CYB5R4: variants seen among roughly 807,000 people sequenced by gnomAD.
The protein encoded by CYB5R4 is N-terminal cytochrome b5 and cytochrome b5 oxidoreductase domain-containing protein.
CYB5R4 carries 55 observed loss-of-function variants against 70.2 expected under a neutral mutation model. The ratio of observed to expected loss-of-function variants is 0.78; its 90% CI spans 0.63 to 0.98. The LOEUF (loss-of-function observed/expected upper bound fraction) is 0.98. Ranked by LOEUF, CYB5R4 falls within the 50% of genes least tolerant of loss-of-function variation. The pLI, the probability that CYB5R4 is intolerant of heterozygous loss-of-function variation, is 0.00. For missense variants in CYB5R4, 562 were observed against 612.6 expected (o/e 0.92, Z 0.87); for synonymous variants, 197 against 199.5 (o/e 0.99, Z 0.11).
At chr6:83,879,176 A>G (rs745367276) in intron 2 of CYB5R4, among the ~76,000 whole-genome samples, 18 of 151,778 alleles carry the variant, frequency 1.2e-4, no homozygotes, top group Non-Finnish European at 2.6e-4. Flanking sequence ...ATCGTACTCA[A>G]TGCAGCATCT....
intron 10 of CYB5R4, among the ~76,000 whole-genome samples, chr6:83,928,173 G>A (rs1482332361): frequency 1.3e-5 from 2 of 152,084 alleles, no homozygotes; most frequent in East Asian, 1.9e-4. Context: ...TCACAATTAC[G>A]AAAATATATT....
Position 83,960,170 on chromosome 6 carries a change from T to C in CYB5R4, c.*292T>C, listed in dbSNP as rs570240013. Reference sequence around the variant, plus strand: ...CTTGCCATTTAAATTATATCACTGTTCTACAATAAGCACTTGTGTTTTATG... The same window carrying C: ...CTTGCCATTTAAATTATATCACTGTCCTACAATAAGCACTTGTGTTTTATG... On this transcript the variant is annotated 3_prime_UTR_variant, in exon 16 of 16. Transcript: ENST00000369681. The C allele has an allele frequency of 6.5e-5, 16 of 245,780 alleles. No homozygotes were observed. Among genetic ancestry groups the C allele is most frequent in the African/African-American group, 3.4e-4 (15 of 43,828 alleles). The allele number at this position is 245,780 out of a possible 1,614,324, so 15.2% of individuals were successfully genotyped here.
intron 3 of CYB5R4, among the ~76,000 whole-genome samples, chr6:83,908,133 C>T (rs1020365702): frequency 2.0e-5 from 3 of 152,170 alleles, no homozygotes; most frequent in African/African-American, 7.2e-5. Context: ...GCAACCTCGC[C>T]AACATCTGTT....
intron 2 of CYB5R4, among the ~76,000 whole-genome samples, chr6:83,883,376 G>T (rs1211502723): frequency 1.3e-5 from 2 of 152,080 alleles, no homozygotes; most frequent in East Asian, 3.9e-4. Flanking sequence ...AAATTCAGAG[G>T]CTTAGCAAAT....
At position 83,908,990 on chromosome 6, in the gene CYB5R4, C is replaced by T; in HGVS notation, c.331-19C>T. 6.2e-7 allele frequency: 1 copy of T among 1,607,798 alleles called. No homozygotes were observed. The highest frequency in any genetic ancestry group is 1.3e-5 in the African/African-American group (1 of 74,902). On this transcript the variant is annotated intron_variant, in intron 3 of 15. Transcript: ENST00000369681. ...GGAGTTAGTCATGTTGCTTTTCCATCATTTGTTTTACATACCAGGTTCATC... is the reference window on the plus strand; with the variant it reads ...GGAGTTAGTCATGTTGCTTTTCCATTATTTGTTTTACATACCAGGTTCATC...
At chr6:83,869,465 G>A (rs996573134) in intron 2 of CYB5R4, among the ~76,000 whole-genome samples, 1 of 152,102 alleles carries the variant, frequency 6.6e-6, no homozygotes, top group Non-Finnish European at 1.5e-5. Context: ...GTTGCCCAGC[G>A]TGCACATTCC....
At chr6:83,928,200 A>G (rs973343367) in intron 10 of CYB5R4, among the ~76,000 whole-genome samples, 2 of 152,224 alleles carry the variant, frequency 1.3e-5, no homozygotes, top group Non-Finnish European at 2.9e-5. Context: ...TAATTTTCAG[A>G]AAAGTATGAG....
At chr6:83,946,265 C>G (rs576555564) in intron 14 of CYB5R4, among the ~76,000 whole-genome samples, 1 of 152,166 alleles carries the variant, frequency 6.6e-6, no homozygotes. Context: ...AAGGCTGATT[C>G]AACATACACA....
chr6:83,901,276 A>G (rs568648545), intron 3 of CYB5R4, among the ~76,000 whole-genome samples: 1 of 152,340 alleles, frequency 6.6e-6, no homozygotes, highest in Non-Finnish European at 1.5e-5. Flanking sequence ...TTCTTGAAGA[A>G]TGTTGAATAT....
chr6:83,923,636 T>G (rs1291134953), intron 9 of CYB5R4, among the ~76,000 whole-genome samples: 2 of 152,162 alleles, frequency 1.3e-5, no homozygotes, highest in Non-Finnish European at 2.9e-5. Context: ...AACATTTTAA[T>G]TATTCAATAA....
intron 4 of CYB5R4, among the ~76,000 whole-genome samples, chr6:83,914,097 A>G (rs1039426488): frequency 2.6e-5 from 4 of 152,214 alleles, no homozygotes; most frequent in Admixed American, 6.5e-5. Flanking sequence ...ATATGATAAC[A>G]CGGATGAAAC....
chr6:83,936,329 T>G lies in CYB5R4; in HGVS notation c.1061T>G (p.Ile354Ser), dbSNP rs1562843448. The G allele has an allele frequency of 6.2e-7, 1 of 1,612,672 alleles. No homozygotes were observed. ...NNKYIYFLIKIYPTGLFTPEL... is the reference protein window; with the variant it reads ...NNKYIYFLIKSYPTGLFTPEL... ...AAATACATCTACTTTTTGATAAAAA[T>G]CTATCCCACTGGACTCTTCACACCA... Residue 354 changes from isoleucine to serine, a missense_variant, in exon 12 of 16, where the codon ATC becomes AGC. Transcript: ENST00000369681.
chr6:83,894,863 A>G (rs1028297691), intron 3 of CYB5R4, among the ~76,000 whole-genome samples: 1 of 152,108 alleles, frequency 6.6e-6, no homozygotes, highest in Non-Finnish European at 1.5e-5. Context: ...GAGGAGGAGG[A>G]GAAATAGGGA....
intron 2 of CYB5R4, among the ~76,000 whole-genome samples, chr6:83,866,626 T>A (rs886277408): frequency 7.2e-5 from 11 of 151,928 alleles, no homozygotes; most frequent in Non-Finnish European, 1.5e-4. Context: ...TTTTTTTTTT[T>A]TATAAAGGAG....
intron 2 of CYB5R4, among the ~76,000 whole-genome samples, chr6:83,864,784 G>A (rs1404030640): frequency 2.0e-5 from 3 of 152,068 alleles, no homozygotes; most frequent in Admixed American, 2.0e-4. Context: ...TTCATTACAT[G>A]GTATATGTTT....
chr6:83,955,894 A>G (rs1419381036), intron 15 of CYB5R4, among the ~76,000 whole-genome samples: 1 of 152,240 alleles, frequency 6.6e-6, no homozygotes, highest in African/African-American at 2.4e-5. Context: ...AAAGCCAAGC[A>G]GCAAGACAAA....
At chr6:83,894,071 T>C (rs1395920179) in intron 3 of CYB5R4, among the ~76,000 whole-genome samples, 2 of 152,220 alleles carry the variant, frequency 1.3e-5, no homozygotes, top group Non-Finnish European at 2.9e-5. Context: ...TGAATTTGCA[T>C]GTCATGTAGA....
intron 9 of CYB5R4, among the ~76,000 whole-genome samples, chr6:83,923,109 TGCAGCTTATA>T (rs1291166956): frequency 6.6e-6 from 1 of 152,024 alleles, no homozygotes; most frequent in African/African-American, 2.4e-5. Context: ...ACTCCTGACA[TGCAGCTTATA>T]GAAATATACT....
chr6:83,898,662 C>T (rs1264968451), intron 3 of CYB5R4, among the ~76,000 whole-genome samples: 1 of 152,148 alleles, frequency 6.6e-6, no homozygotes, highest in Non-Finnish European at 1.5e-5. Flanking sequence ...TGTAGTTCTC[C>T]TTGAAGAGGT....
Sources: allele counts gnomAD v4.1 joint callset (sites outside exome capture counted in the v4.1 genomes callset), GRCh38; gene constraint gnomAD v4.1.1; transcripts MANE v1.5; gene names NCBI Gene and HGNC (gene_info 2026-07-23, HGNC 2026-07-21).